Variants in MAP2 observed in about 807,000 individuals in gnomAD.
The protein encoded by MAP2 is microtubule associated protein 2.
Under a neutral mutation model 137.6 loss-of-function variants are expected in MAP2, and 14 were observed. That is an observed-to-expected ratio of 0.10 (90% CI 0.07 to 0.16). The LOEUF (loss-of-function observed/expected upper bound fraction) is 0.16. Ranked by LOEUF, MAP2 falls within the 10% of genes least tolerant of loss-of-function variation. The pLI, the probability that MAP2 is intolerant of heterozygous loss-of-function variation, is 1.00. For synonymous variants in MAP2, 786 were observed against 782.3 expected, an observed-to-expected ratio of 1.00 and a Z score of -0.08; for missense variants, 2,088 against 2,191.5, an observed-to-expected ratio of 0.95 and a Z score of 0.94.
At chr2:209,724,212 A>G (rs958280779) in intron 13 of MAP2, among the ~76,000 whole-genome samples, 1 of 152,176 alleles carries the variant, frequency 6.6e-6, no homozygotes, top group Admixed American at 6.5e-5. Context: ...TTATAATTCA[A>G]AGTGAAAGGA....
chr2:209,538,552 T>A (rs1420316136), intron 2 of MAP2, among the ~76,000 whole-genome samples: 1 of 150,920 alleles, frequency 6.6e-6, no homozygotes, highest in Non-Finnish European at 1.5e-5. Context: ...TTTTTTTTTT[T>A]TCCTCTGTGT....
At chr2:209,461,202 A>T (rs1445536729) in intron 1 of MAP2, among the ~76,000 whole-genome samples, 4 of 152,216 alleles carry the variant, frequency 2.6e-5, no homozygotes, top group Admixed American at 6.5e-5. Flanking sequence ...AAAATAAAGC[A>T]TTTGTTTAAA....
intron 3 of MAP2, among the ~76,000 whole-genome samples, chr2:209,619,148 T>C (rs1271710260): frequency 6.6e-6 from 1 of 152,124 alleles, no homozygotes; most frequent in Admixed American, 6.5e-5. Flanking sequence ...GCTGGGGAGA[T>C]GTTGCTCAAA....
intron 1 of MAP2, among the ~76,000 whole-genome samples, chr2:209,430,283 G>A (rs1008426221): frequency 3.3e-5 from 5 of 151,502 alleles, no homozygotes; most frequent in African/African-American, 1.2e-4. Context: ...ATGAGAACAT[G>A]GAATTATAAT....
intron 1 of MAP2, among the ~76,000 whole-genome samples, chr2:209,504,824 A>G (rs1196969375): frequency 2.0e-5 from 3 of 152,012 alleles, no homozygotes; most frequent in Non-Finnish European, 4.4e-5. Flanking sequence ...TTAGGGGATA[A>G]TGATTGATAA....
intron 1 of MAP2, among the ~76,000 whole-genome samples, chr2:209,426,229 A>C (rs559244629): frequency 7.6e-4 from 115 of 152,258 alleles, no homozygotes; most frequent in Non-Finnish European, 1.4e-3. Flanking sequence ...TAATGTCCAA[A>C]GTTTTCTTTT....
At chr2:209,630,511 A>C (rs950922569) in intron 4 of MAP2, among the ~76,000 whole-genome samples, 2 of 152,142 alleles carry the variant, frequency 1.3e-5, no homozygotes, top group African/African-American at 4.8e-5. Context: ...GTGCATATAT[A>C]GTTGCCAGGA....
chr2:209,434,249 T>C (rs555887496), intron 1 of MAP2, among the ~76,000 whole-genome samples: 13 of 152,174 alleles, frequency 8.5e-5, no homozygotes, highest in African/African-American at 3.1e-4. Context: ...TGATTTATTG[T>C]ACTTTCGGCA....
Position 209,695,025 on chromosome 2 carries a change from A to G in MAP2, c.2855A>G (p.Gln952Arg), listed in dbSNP as rs1410834269. ...DKSGLSKEFD[Q>R]EKKANDRLDT... ...TCAGGACTGAGTAAGGAGTTTGACC[A>G]AGAGAAGAAAGCTAATGATAGGTTG... Residue 952 changes from glutamine to arginine, a missense_variant, in exon 8 of 16, where the codon CAA becomes CGA. This residue lies in a region of MAP2 where 500 missense variants were observed against 482.9 expected (regional missense o/e 1.04). Transcript: ENST00000682079. 1.2e-6 allele frequency: 2 copies of G among 1,614,192 alleles called. No homozygotes were observed. The highest frequency in any genetic ancestry group is 3.3e-5 in the Admixed American group (2 of 60,026).
At position 209,693,924 on chromosome 2, in the gene MAP2, G is replaced by T. The variant is rs757739402; in HGVS notation, c.1754G>T (p.Ser585Ile). ...GCCTTGAAAGAAGAAGCAACAAAAA[G>T]CATTGAGCCAGGCAGTGATTACTAT... ...TSALKEEATKSIEPGSDYYEL... is the reference protein window; with the variant it reads ...TSALKEEATKIIEPGSDYYEL... Residue 585 changes from serine (S) to isoleucine (I), a missense_variant, in exon 8 of 16, where the codon AGC becomes ATC. By Grantham distance (142) the Ser-to-Ile change is moderately radical. Around this residue, in one of 6 missense-constraint regions of MAP2, gnomAD observed 859 missense variants for 794.5 expected, o/e 1.08. Transcript: ENST00000682079. 1 of 1,612,122 alleles carries T rather than the reference G, an allele frequency of 6.2e-7. No homozygotes were observed. The highest frequency in any genetic ancestry group is 1.7e-4 in the Middle Eastern group (1 of 6,040).
chr2:209,595,674 C>T (rs780828875), intron 3 of MAP2, among the ~76,000 whole-genome samples: 7 of 152,150 alleles, frequency 4.6e-5, no homozygotes, highest in Non-Finnish European at 1.0e-4. Flanking sequence ...TTTATTGCGG[C>T]CCTATTCACG....
At chr2:209,594,524 T>C (rs1202925405) in intron 3 of MAP2, among the ~76,000 whole-genome samples, 1 of 152,128 alleles carries the variant, frequency 6.6e-6, no homozygotes, top group East Asian at 1.9e-4. Context: ...TGGTGTTTTT[T>C]CTCTTTCTGT....
intron 2 of MAP2, among the ~76,000 whole-genome samples, chr2:209,516,776 A>G (rs2062574772): frequency 6.6e-6 from 1 of 152,076 alleles, no homozygotes; most frequent in African/African-American, 2.4e-5. Context: ...TGATTTGTGC[A>G]CTTAGGGTAT....
At position 209,700,261 on chromosome 2, in the gene MAP2, C is replaced by A; in HGVS notation, c.4523-16C>A. On this transcript the variant is annotated splice_polypyrimidine_tract_variant and intron_variant, in intron 10 of 15. Transcript: ENST00000682079. ...AGCAACTAAGTTTGGGGTTGTTTGTCTTTTATTTTCAACAGCAGCAGGTGG... is the reference window on the plus strand; with the variant it reads ...AGCAACTAAGTTTGGGGTTGTTTGTATTTTATTTTCAACAGCAGCAGGTGG... The A allele has an allele frequency of 6.2e-7, 1 of 1,611,480 alleles. No homozygotes were observed. The highest frequency in any genetic ancestry group is 8.5e-7 in the Non-Finnish European group (1 of 1,178,292).
intron 13 of MAP2, among the ~76,000 whole-genome samples, chr2:209,724,668 A>C (rs1206967423): frequency 1.3e-5 from 2 of 152,188 alleles, no homozygotes; most frequent in Non-Finnish European, 2.9e-5. Context: ...ACTGAGCATA[A>C]AACTGTCATT....
chr2:209,729,134 A>C (rs2239552), intron 14 of MAP2, among the ~76,000 whole-genome samples: 13,728 of 152,276 alleles, frequency 0.09, 788 homozygotes, highest in East Asian at 0.23. Context: ...TCAGCAGATC[A>C]GAGTTCTAGA....
chr2:209,690,931 A>G (rs1171162831), intron 7 of MAP2: 2 of 1,153,150 alleles, frequency 1.7e-6, no homozygotes, highest in Non-Finnish European at 2.2e-6. Context: ...TTCCAACGCT[A>G]TTTCGCTATT....
intron 2 of MAP2, among the ~76,000 whole-genome samples, chr2:209,557,931 C>T (rs973983446): frequency 7.9e-5 from 12 of 152,170 alleles, no homozygotes; most frequent in Non-Finnish European, 1.2e-4. Context: ...GTGCCTTTCT[C>T]CACCACTGTA....
chr2:209,458,887 G>C (rs1474901728), intron 1 of MAP2, among the ~76,000 whole-genome samples: 2 of 152,112 alleles, frequency 1.3e-5, no homozygotes, highest in Admixed American at 6.6e-5. Context: ...CTTTTCATAT[G>C]TCAAGCAGAG....
Sources: allele counts gnomAD v4.1 joint callset (sites outside exome capture counted in the v4.1 genomes callset), GRCh38; gene constraint gnomAD v4.1.1; regional missense constraint gnomAD v4.1.1; transcripts MANE v1.5; gene names NCBI Gene and HGNC (gene_info 2026-07-23, HGNC 2026-07-21).